ATL2: variants seen among roughly 807,000 people sequenced by gnomAD.
ATL2 encodes the protein atlastin-2.
In ATL2, 31 loss-of-function variants were observed where a neutral mutation model predicts 73.9. The ratio of observed to expected loss-of-function variants is 0.42; its 90% CI spans 0.32 to 0.57. The LOEUF (loss-of-function observed/expected upper bound fraction) is 0.57. Among genes scored for constraint, ATL2 ranks in the 20% least tolerant of loss-of-function variants. The probability of loss-of-function intolerance (pLI) is 0.14; values close to 1 mark genes in which losing one functional copy is unlikely to be tolerated. For missense variants in ATL2, 738 were observed against 702.6 expected (o/e 1.05, Z -0.57); for synonymous variants, 291 against 237.5 (o/e 1.23, Z -2.07).
chr2:38,363,424 T>C (rs1573580785), intron 1 of ATL2, among the ~76,000 whole-genome samples: 1 of 152,246 alleles, frequency 6.6e-6, no homozygotes, highest in East Asian at 1.9e-4. Flanking sequence ...ACAGCTATTT[T>C]TCCAAAAATT....
At chr2:38,312,584 G>A (rs570510717) in intron 7 of ATL2, among the ~76,000 whole-genome samples, 12 of 152,128 alleles carry the variant, frequency 7.9e-5, no homozygotes, top group South Asian at 2.1e-4. Context: ...GGTGGCGGGC[G>A]CCTGTAATCC....
At chr2:38,358,548 C>T (rs1670812315) in intron 1 of ATL2, 1 of 332,196 alleles carries the variant, frequency 3.0e-6, no homozygotes, top group Non-Finnish European at 6.3e-6. Flanking sequence ...AAAAGTAAGC[C>T]GGACACGGTG....
At chr2:38,332,778 AG>A (rs1391007702) in intron 2 of ATL2, among the ~76,000 whole-genome samples, 2 of 152,224 alleles carry the variant, frequency 1.3e-5, no homozygotes, top group Admixed American at 1.3e-4. Context: ...TCCATATACT[AG>A]TACAATGTGA....
chr2:38,362,380 G>C (rs1225676006), intron 1 of ATL2, among the ~76,000 whole-genome samples: 1 of 152,052 alleles, frequency 6.6e-6, no homozygotes, highest in Non-Finnish European at 1.5e-5. Flanking sequence ...ATTTATCATG[G>C]GCCTATGACT....
chr2:38,303,172 C>T (rs1422586686), intron 9 of ATL2, among the ~76,000 whole-genome samples: 1 of 152,096 alleles, frequency 6.6e-6, no homozygotes, highest in Non-Finnish European at 1.5e-5. Context: ...CCGAAAAATG[C>T]AACTGACATA....
chr2:38,325,676 ACAC>A (rs1573486675), intron 2 of ATL2, among the ~76,000 whole-genome samples: 1 of 76,418 alleles, frequency 1.3e-5, no homozygotes, highest in East Asian at 3.4e-4. Flanking sequence ...ACACACACAC[ACAC>A]ACACACACAC....
chr2:38,325,129 G>T (rs552183827), intron 2 of ATL2, among the ~76,000 whole-genome samples: 1 of 152,368 alleles, frequency 6.6e-6, no homozygotes, highest in Admixed American at 6.5e-5. Flanking sequence ...ATTAAACTGA[G>T]ATTTGACTTT....
At chr2:38,369,532 C>T (rs145947216) in intron 1 of ATL2, among the ~76,000 whole-genome samples, 2,148 of 151,680 alleles carry the variant, frequency 0.014, 21 homozygotes, top group Non-Finnish European at 0.023. Context: ...GTCATCCACC[C>T]GCCTTAGCCT....
chr2:38,309,848 A>C lies in ATL2; in HGVS notation c.944-342T>G, dbSNP rs145378646. ...GCAAACAATTCATAAAATTGTATTA[A>C]ATTTTACTACTAGATTATGTTTTAC... On this transcript the variant is annotated intron_variant, in intron 8 of 12. Transcript: ENST00000378954. Among the ~76,000 whole-genome samples the C allele has an allele frequency of 1.4e-3, 218 of 152,300 alleles. 1 individual carries two copies. Among genetic ancestry groups the C allele is most frequent in the Non-Finnish European group, 2.7e-3 (185 of 68,008 alleles).
upstream of ATL2, among the ~76,000 whole-genome samples, chr2:38,377,447 C>T (rs1209414766): frequency 6.6e-6 from 1 of 151,200 alleles, no homozygotes; most frequent in Non-Finnish European, 1.5e-5. Flanking sequence ...CCCCGCCCCG[C>T]CCATCGCTCG....
Position 38,298,279 on chromosome 2 carries a change from A to G in ATL2, c.1497T>C (p.Ser499=), listed in dbSNP as rs747623924. 1.1e-5 allele frequency: 17 copies of G among 1,614,072 alleles called. No homozygotes were observed. In the East Asian group the frequency reaches 1.8e-4, roughly 17 times the overall value. ...SGLTGFIGLN[S]IAVLCNLVMG... ...TGACAAGGTTACACAAGACAGCTATAGAGTTTAGGCCAATGAAGCCAGTCA... is the reference window on the plus strand; with the variant it reads ...TGACAAGGTTACACAAGACAGCTATGGAGTTTAGGCCAATGAAGCCAGTCA... Residue 499 remains serine, a synonymous_variant, in exon 12 of 13, where the codon TCT becomes TCC. Coordinates refer to ENST00000378954, the MANE Select transcript of ATL2 (RefSeq NM_001135673.4).
At chr2:38,342,563 C>T (rs1284089946) in intron 2 of ATL2, among the ~76,000 whole-genome samples, 1 of 152,160 alleles carries the variant, frequency 6.6e-6, no homozygotes, top group Non-Finnish European at 1.5e-5. Context: ...AGAAGCCACT[C>T]TAAGGAACTG....
chr2:38,349,716 A>G (rs1316100019), intron 1 of ATL2, among the ~76,000 whole-genome samples: 1 of 152,102 alleles, frequency 6.6e-6, no homozygotes, highest in Non-Finnish European at 1.5e-5. Context: ...CCCACTGGGC[A>G]GAAAACCTTT....
intron 1 of ATL2, among the ~76,000 whole-genome samples, chr2:38,362,303 T>A (rs1312119509): frequency 6.6e-6 from 1 of 152,224 alleles, no homozygotes; most frequent in Non-Finnish European, 1.5e-5. Context: ...TAACCCTTCC[T>A]TACCAGACAT....
intron 2 of ATL2, among the ~76,000 whole-genome samples, chr2:38,322,007 T>C (rs1000978686): frequency 1.3e-5 from 2 of 152,192 alleles, no homozygotes; most frequent in African/African-American, 2.4e-5. Flanking sequence ...TCTTCCTGAT[T>C]CTACCATACC....
intron 2 of ATL2, among the ~76,000 whole-genome samples, chr2:38,323,357 T>TG (rs1316928700): frequency 7.4e-6 from 1 of 134,818 alleles, no homozygotes; most frequent in African/African-American, 2.9e-5. Context: ...AAGTTTTTTT[T>TG]TTTTTTTTTT....
chr2:38,366,070 T>TC (rs1167011883), intron 1 of ATL2, among the ~76,000 whole-genome samples: 1 of 129,176 alleles, frequency 7.7e-6, no homozygotes, highest in Non-Finnish European at 1.6e-5. Flanking sequence ...TAAACACCCC[T>TC]CCAACTAGAT....
intron 4 of ATL2, 55 bp from the exon 5 acceptor site, chr2:38,315,389 G>A: frequency 6.8e-7 from 1 of 1,471,388 alleles, no homozygotes; most frequent in Admixed American, 2.9e-5. Context: ...TGAATACCCA[G>A]CTTCTGTATA....
intron 2 of ATL2, among the ~76,000 whole-genome samples, chr2:38,326,756 G>A (rs1668686063): frequency 6.6e-6 from 1 of 152,110 alleles, no homozygotes; most frequent in South Asian, 2.1e-4. Context: ...GGGAGGCCGA[G>A]GCAGGTGGAT....
Sources: allele counts gnomAD v4.1 joint callset (sites outside exome capture counted in the v4.1 genomes callset), GRCh38; gene constraint gnomAD v4.1.1; transcripts MANE v1.5; gene names NCBI Gene and HGNC (gene_info 2026-07-23, HGNC 2026-07-21).